Variants in C9orf153 observed in about 807,000 individuals in gnomAD.
C9orf153 encodes chromosome 9 open reading frame 153, also known as uncharacterized protein C9orf153.
In C9orf153, 10 loss-of-function variants were observed where a neutral mutation model predicts 9.0. The ratio of observed to expected loss-of-function variants is 1.11; its 90% CI spans 0.69 to 1.89. The LOEUF is 1.89. Ranked by LOEUF, C9orf153 falls within the 40% of genes most tolerant of loss-of-function variation. C9orf153 has a pLI of 0.00. For missense variants in C9orf153, 108 were observed against 111.0 expected (o/e 0.97, Z 0.12); for synonymous variants, 35 against 37.3 (o/e 0.94, Z 0.23).
At chr9:86,240,115 TA>T (rs1281513239) in intron 1 of C9orf153, among the ~76,000 whole-genome samples, 2 of 152,186 alleles carry the variant, frequency 1.3e-5, no homozygotes, top group Non-Finnish European at 2.9e-5. Flanking sequence ...TCTAAGAACT[TA>T]AATATATTAT....
chr9:86,246,362 CCTT>C (rs962106551), intron 1 of C9orf153, among the ~76,000 whole-genome samples: 2 of 152,086 alleles, frequency 1.3e-5, no homozygotes, highest in African/African-American at 4.8e-5. Flanking sequence ...AAAAGTGAAA[CCTT>C]CTGCAGTGCA....
chr9:86,238,571 A>T (rs568163187), intron 1 of C9orf153, among the ~76,000 whole-genome samples: 2 of 152,290 alleles, frequency 1.3e-5, no homozygotes, highest in East Asian at 3.9e-4. Context: ...TAAAATAGAG[A>T]ACGACATACC....
rs116851134 is a variant in C9orf153 at position 86,247,638 on chromosome 9, C to T, written c.-27+11912G>A. ...GAGGCTGTAGTAAGCCATGATCATG[C>T]CTCTCCACACCAGCCTGGACAACAG... On this transcript the variant is annotated intron_variant, in intron 1 of 3. Transcript: ENST00000339137. 8.5e-3 allele frequency among the ~76,000 whole-genome samples: 1,293 copies of T among 152,234 alleles called. 22 individuals are homozygous for T. Among genetic ancestry groups the T allele is most frequent in the East Asian group, 0.049 (252 of 5,176 alleles).
At chr9:86,228,503 G>A (rs1292105980) in intron 2 of C9orf153, among the ~76,000 whole-genome samples, 3 of 152,216 alleles carry the variant, frequency 2.0e-5, no homozygotes, top group African/African-American at 7.2e-5. Context: ...CAGGAATCCA[G>A]TGCTGAGGAG....
intron 1 of C9orf153, among the ~76,000 whole-genome samples, chr9:86,231,285 GTTA>G (rs1167914642): frequency 6.6e-6 from 1 of 152,140 alleles, no homozygotes; most frequent in Non-Finnish European, 1.5e-5. Context: ...TGCATGAATT[GTTA>G]TATAGCAATA....
chr9:86,222,328 C>G (rs886333445), intron 3 of C9orf153, among the ~76,000 whole-genome samples: 6 of 152,124 alleles, frequency 3.9e-5, no homozygotes, highest in Non-Finnish European at 8.8e-5. Flanking sequence ...GTATTTCATT[C>G]TGTGCTTGGA....
intron 1 of C9orf153, among the ~76,000 whole-genome samples, chr9:86,253,000 T>A (rs1346349365): frequency 1.3e-5 from 2 of 152,118 alleles, no homozygotes; most frequent in Non-Finnish European, 2.9e-5. Context: ...AAAACTTTTT[T>A]TTTTTAAGCT....
chr9:86,250,316 C>T (rs548664308), intron 1 of C9orf153, among the ~76,000 whole-genome samples: 1 of 152,212 alleles, frequency 6.6e-6, no homozygotes, highest in East Asian at 1.9e-4. Context: ...AATCTGGACT[C>T]CAGGGAGGTA....
chr9:86,228,144 G>T, intron 2 of C9orf153, 114 bp from the exon 3 acceptor site: 1 of 748,328 alleles, frequency 1.3e-6, no homozygotes, highest in Non-Finnish European at 2.1e-6. Flanking sequence ...AAAGACAAAA[G>T]CATTTTTATC....
At chr9:86,246,268 T>C (rs1285887540) in intron 1 of C9orf153, among the ~76,000 whole-genome samples, 2 of 152,214 alleles carry the variant, frequency 1.3e-5, no homozygotes, top group Non-Finnish European at 2.9e-5. Context: ...TCTTGCAGCA[T>C]TTGAATGTAA....
intron 1 of C9orf153, among the ~76,000 whole-genome samples, chr9:86,251,571 G>A (rs964430746): frequency 6.6e-6 from 1 of 151,976 alleles, no homozygotes; most frequent in East Asian, 1.9e-4. Context: ...ACAACATCAT[G>A]AGAATATGGT....
intron 1 of C9orf153, among the ~76,000 whole-genome samples, chr9:86,247,060 A>C (rs1379534311): frequency 5.3e-5 from 8 of 152,202 alleles, no homozygotes; most frequent in African/African-American, 4.8e-5. Flanking sequence ...GTTTTGACTG[A>C]GTCTGGGATA....
chr9:86,236,939 T>TAAAAAAAAAAAAAAAAAAAA (rs57214746), intron 1 of C9orf153, among the ~76,000 whole-genome samples: 2 of 79,996 alleles, frequency 2.5e-5, no homozygotes, highest in Admixed American at 1.5e-4. Flanking sequence ...CGTCTCTAAA[T>TAAAAAAAAAAAAAAAAAAAA]AAAAAAAAAA....
At chr9:86,238,051 C>T (rs886825929) in intron 1 of C9orf153, among the ~76,000 whole-genome samples, 5 of 152,126 alleles carry the variant, frequency 3.3e-5, no homozygotes, top group African/African-American at 1.2e-4. Context: ...CACCACTGCA[C>T]TCCAACCTGG....
intron 2 of C9orf153, 60 bp from the exon 3 acceptor site, chr9:86,228,090 G>T: frequency 7.8e-7 from 1 of 1,275,600 alleles, no homozygotes; most frequent in Non-Finnish European, 1.1e-6. Flanking sequence ...TATTCTGGCA[G>T]ACCTACAAAC....
intron 1 of C9orf153, among the ~76,000 whole-genome samples, chr9:86,240,802 G>A (rs888039616): frequency 3.6e-5 from 5 of 139,792 alleles, no homozygotes; most frequent in South Asian, 2.3e-4. Flanking sequence ...TCCACCTCCC[G>A]GGTTCAAGCG....
chr9:86,250,646 A>C (rs187334468), intron 1 of C9orf153, among the ~76,000 whole-genome samples: 2 of 152,336 alleles, frequency 1.3e-5, no homozygotes, highest in Admixed American at 1.3e-4. Flanking sequence ...CATTTGAATA[A>C]TGTGTTGGAC....
chr9:86,225,456 CTCTTTCTT>C (rs1184222720), intron 3 of C9orf153, among the ~76,000 whole-genome samples: 2 of 136,838 alleles, frequency 1.5e-5, no homozygotes, highest in South Asian at 2.3e-4. Context: ...CTCTCTTTCT[CTCTTTCTT>C]TCTTTCTTTT....
intron 3 of C9orf153, among the ~76,000 whole-genome samples, chr9:86,225,116 G>A (rs529754437): frequency 1.4e-3 from 208 of 152,124 alleles, no homozygotes; most frequent in African/African-American, 4.2e-3. Flanking sequence ...AGAGCAAAAC[G>A]GCAACACCCA....
Sources: gnomAD v4.1 joint callset for allele counts (sites outside exome capture counted in the v4.1 genomes callset) on GRCh38, gnomAD v4.1.1 for gene constraint, MANE v1.5 for transcripts, NCBI Gene and HGNC (gene_info 2026-07-23, HGNC 2026-07-21) for gene names.